CSGALNACT1: variants seen among roughly 807,000 people sequenced by gnomAD.
The protein encoded by CSGALNACT1 is beta4GalNAcT-1.
In CSGALNACT1, 52 loss-of-function variants were observed where a neutral mutation model predicts 51.0. The observed-to-expected ratio is 1.02, with a 90% CI of 0.82 to 1.29. CSGALNACT1 has a LOEUF of 1.29. CSGALNACT1 is among the 50% of genes most tolerant of loss of function. CSGALNACT1 has a pLI of 0.00. For missense variants in CSGALNACT1, 935 were observed against 679.2 expected, an observed-to-expected ratio of 1.38 and a Z score of -4.19; for synonymous variants, 341 against 254.4, an observed-to-expected ratio of 1.34 and a Z score of -3.24.
chr8:19,703,304 TGTTG>T (rs1179129751), intron 1 of CSGALNACT1, among the ~76,000 whole-genome samples: 1 of 152,086 alleles, frequency 6.6e-6, no homozygotes, highest in Non-Finnish European at 1.5e-5. Flanking sequence ...TCTCTTGGTT[TGTTG>T]GTTGGTTGGT....
At chr8:19,706,698 C>T (rs531506444) in intron 1 of CSGALNACT1, among the ~76,000 whole-genome samples, 1 of 152,148 alleles carries the variant, frequency 6.6e-6, no homozygotes, top group Non-Finnish European at 1.5e-5. Flanking sequence ...AAACCCCAGA[C>T]ATCAGGTGTG....
chr8:19,614,304 A>T (rs377482719), intron 1 of CSGALNACT1, among the ~76,000 whole-genome samples: 102 of 152,340 alleles, frequency 6.7e-4, no homozygotes, highest in African/African-American at 2.4e-3. Flanking sequence ...GCAAAATTCC[A>T]AGGCTAATAT....
intron 1 of CSGALNACT1, among the ~76,000 whole-genome samples, chr8:19,710,712 G>C (rs1220996208): frequency 6.6e-6 from 1 of 152,136 alleles, no homozygotes; most frequent in Admixed American, 6.5e-5. Context: ...CTTGCATAAT[G>C]TGTGAAATTG....
intron 4 of CSGALNACT1, among the ~76,000 whole-genome samples, chr8:19,498,804 G>C (rs139054836): frequency 6.6e-6 from 1 of 152,340 alleles, no homozygotes; most frequent in East Asian, 1.9e-4. Flanking sequence ...AGGAAGAACA[G>C]TGATATCTCT....
intron 3 of CSGALNACT1, among the ~76,000 whole-genome samples, chr8:19,546,874 A>G (rs1360870074): frequency 6.6e-6 from 1 of 152,224 alleles, no homozygotes; most frequent in Non-Finnish European, 1.5e-5. Context: ...TCAGTGTCAC[A>G]TAAGGTTCAG....
rs146838242 is a variant in CSGALNACT1, at chr8:19,757,737, G to T, written c.-297+113C>A. ...CCCTTGGCTGCCCTCCCCGCCGAGC[G>T]CCGACTTCCATGCAAAAACTTTGTA... On this transcript the variant is annotated intron_variant, in intron 1 of 1. Coordinates refer to the CSGALNACT1 transcript ENST00000517494. The surrounding 1 kb of genome is among the most constrained non-coding windows in gnomAD (Gnocchi z 4.0). 9.1e-3 allele frequency: 1,389 copies of T among 152,862 alleles called. 6 individuals carry two copies. Among genetic ancestry groups the T allele is most frequent in the Non-Finnish European group, 0.014 (949 of 68,496 alleles). 9.5% of individuals were successfully genotyped at this position (152,862 alleles called of 1,614,324 possible). A position where few individuals can be genotyped will look rare whatever the true frequency, so the allele number is the denominator to read the frequency against.
intron 1 of CSGALNACT1, among the ~76,000 whole-genome samples, chr8:19,630,205 T>TGC (rs1336062456): frequency 1.3e-4 from 14 of 106,316 alleles, no homozygotes; most frequent in Middle Eastern, 4.3e-3. Context: ...TGTGTGTGTG[T>TGC]GTGTGTGTGT....
rs147271784 is a variant in CSGALNACT1 at position 19,414,423 on chromosome 8, G to C, written c.1227+4233C>G. 8.7e-3 allele frequency among the ~76,000 whole-genome samples: 1,320 copies of C among 152,268 alleles called. 19 individuals are homozygous for C. The highest frequency in any genetic ancestry group is 0.03 in the African/African-American group (1,245 of 41,562). Reference sequence around the variant, plus strand: ...AAAGTTAATGTTTGTTTAAATTATAGTCATTCCTTTCTCAGCGAACTGTTT... The same window carrying C: ...AAAGTTAATGTTTGTTTAAATTATACTCATTCCTTTCTCAGCGAACTGTTT... On this transcript the variant is annotated intron_variant, in intron 8 of 9. Transcript: ENST00000454498.
chr8:19,432,112 C>A (rs1000063811), intron 6 of CSGALNACT1, among the ~76,000 whole-genome samples: 1 of 152,148 alleles, frequency 6.6e-6, no homozygotes, highest in African/African-American at 2.4e-5. Context: ...TTCATGTCCG[C>A]CCCAAGGACT....
intron 5 of CSGALNACT1, among the ~76,000 whole-genome samples, chr8:19,445,335 GGA>G (rs1474290887): frequency 6.6e-6 from 1 of 152,206 alleles, no homozygotes; most frequent in East Asian, 1.9e-4. Context: ...CCTAGAATCA[GGA>G]GAGGGTCACC....
intron 1 of CSGALNACT1, among the ~76,000 whole-genome samples, chr8:19,725,304 C>T (rs913627205): frequency 6.6e-6 from 1 of 152,110 alleles, no homozygotes; most frequent in African/African-American, 2.4e-5. Context: ...GTCCTGGCTG[C>T]CCAAGGCAAG....
At chr8:19,752,354 CT>C (rs1301051237) in intron 1 of CSGALNACT1, among the ~76,000 whole-genome samples, 2 of 152,098 alleles carry the variant, frequency 1.3e-5, no homozygotes, top group Non-Finnish European at 2.9e-5. Flanking sequence ...AGCCCACTCT[CT>C]GTTGACCAGG....
At chr8:19,655,955 G>A (rs1440194487) in intron 1 of CSGALNACT1, among the ~76,000 whole-genome samples, 1 of 152,090 alleles carries the variant, frequency 6.6e-6, no homozygotes, top group South Asian at 2.1e-4. Flanking sequence ...GGTTAGAATT[G>A]GGGGATTCAC....
chr8:19,460,649 C>A lies in CSGALNACT1; in HGVS notation c.635-2007G>T, dbSNP rs182591233. ...GTGTGGAGTTTCAGTTACAGTGACA[C>A]GGCAATGGAATACAGTTTGAAAGGT... is the stretch of plus-strand genomic sequence containing the variant. On this transcript the variant is annotated intron_variant, in intron 4 of 9. Transcript: ENST00000454498. Among the ~76,000 whole-genome samples the A allele has an allele frequency of 2.0e-5, 3 of 152,192 alleles. No homozygotes were observed. In the South Asian group the frequency reaches 6.2e-4, roughly 31 times the overall value.
chr8:19,696,409 C>T (rs1242303756), intron 1 of CSGALNACT1, among the ~76,000 whole-genome samples: 1 of 152,198 alleles, frequency 6.6e-6, no homozygotes, highest in South Asian at 2.1e-4. Context: ...AAGGGGCTCA[C>T]TGTTTAGCAG....
At chr8:19,539,494 C>A (rs190443820) in intron 3 of CSGALNACT1, among the ~76,000 whole-genome samples, 3 of 152,094 alleles carry the variant, frequency 2.0e-5, no homozygotes. Context: ...TGAATAAGTA[C>A]GTTTTTGACT....
chr8:19,659,671 T>C (rs920300635), intron 1 of CSGALNACT1, among the ~76,000 whole-genome samples: 6 of 152,226 alleles, frequency 3.9e-5, no homozygotes, highest in Admixed American at 6.5e-5. Context: ...CATATGAGTA[T>C]AGAATACACA....
intron 1 of CSGALNACT1, among the ~76,000 whole-genome samples, chr8:19,747,202 A>T (rs1165279519): frequency 6.6e-6 from 1 of 152,166 alleles, no homozygotes; most frequent in Non-Finnish European, 1.5e-5. Context: ...GTACTTAGCC[A>T]GCAAATAATT....
intron 6 of CSGALNACT1, among the ~76,000 whole-genome samples, chr8:19,431,445 C>T (rs539033275): frequency 1.3e-4 from 20 of 151,942 alleles, no homozygotes; most frequent in African/African-American, 4.8e-4. Flanking sequence ...GTCCTTGAGT[C>T]TATTAATATG....
Sources: allele counts gnomAD v4.1 joint callset (sites outside exome capture counted in the v4.1 genomes callset), GRCh38; gene constraint gnomAD v4.1.1; non-coding constraint Gnocchi (gnomAD v3.1); transcripts MANE v1.5; gene names NCBI Gene and HGNC (gene_info 2026-07-23, HGNC 2026-07-21).